Variants in DLGAP1 observed in about 807,000 individuals in gnomAD.
DLGAP1 encodes disks large-associated protein 1.
A neutral mutation model predicts 90.8 loss-of-function variants in DLGAP1; 11 were observed. The observed-to-expected ratio is 0.12, with a 90% confidence interval of 0.08 to 0.20. DLGAP1 has a LOEUF of 0.20. Among genes scored for constraint, DLGAP1 ranks in the 10% least tolerant of loss-of-function variants. The pLI, the probability that DLGAP1 is intolerant of heterozygous loss-of-function variation, is 1.00. For synonymous variants in DLGAP1, 558 were observed against 540.7 expected (o/e 1.03, Z -0.44); for missense variants, 1,050 against 1,333.8 (o/e 0.79, Z 3.31).
chr18:3,764,463 T>C (rs1171930168), intron 5 of DLGAP1, among the ~76,000 whole-genome samples: 1 of 152,088 alleles, frequency 6.6e-6, no homozygotes, highest in Non-Finnish European at 1.5e-5. Context: ...TCCTGCAAGG[T>C]AATTGTGATC....
At chr18:4,047,346 A>C (rs893781021) in intron 2 of DLGAP1, among the ~76,000 whole-genome samples, 1 of 152,240 alleles carries the variant, frequency 6.6e-6, no homozygotes, top group African/African-American at 2.4e-5. Context: ...TTTTGGAAGG[A>C]TATTGTATAA....
At chr18:3,927,675 G>A (rs2148922978) in intron 3 of DLGAP1, among the ~76,000 whole-genome samples, 1 of 152,294 alleles carries the variant, frequency 6.6e-6, no homozygotes, top group Admixed American at 6.5e-5. Context: ...AAGAAGTCAT[G>A]TTTGAATTAT....
rs561989522 is a variant in DLGAP1 at position 4,101,285 on chromosome 18, A to G, written c.-159+49895T>C. Among the ~76,000 whole-genome samples, 248 of 152,300 alleles carry G rather than the reference A, an allele frequency of 1.6e-3. 1 individual carries two copies. Among genetic ancestry groups the G allele is most frequent in the Admixed American group, 2.0e-3 (31 of 15,296 alleles). On this transcript the variant is annotated intron_variant, in intron 2 of 12. Coordinates refer to ENST00000315677, the MANE Select transcript of DLGAP1 (RefSeq NM_004746.4). Reference sequence around the variant, plus strand: ...TCAGTATTGCTGTGTCTCCGGAAATATGAAGGCATGAGAAGAGGCATGAGA... The same window carrying G: ...TCAGTATTGCTGTGTCTCCGGAAATGTGAAGGCATGAGAAGAGGCATGAGA...
Position 4,216,211 on chromosome 18 carries a change from T to A in DLGAP1, c.-266-64924A>T, listed in dbSNP as rs565586505. ...CAGAGTGAAGCTGGAGAAAAGCCCC[T>A]TAGAAGACCATCAGATCTTGTGAGA... On this transcript the variant is annotated intron_variant, in intron 1 of 12. Coordinates refer to ENST00000315677, the MANE Select transcript of DLGAP1 (RefSeq NM_004746.4). Among the ~76,000 whole-genome samples the A allele has an allele frequency of 1.6e-4, 24 of 152,052 alleles. 1 individual carries two copies. Among genetic ancestry groups the A allele is most frequent in the Admixed American group, 1.4e-3 (22 of 15,264 alleles).
chr18:3,784,237 G>C (rs1260571271), intron 5 of DLGAP1, among the ~76,000 whole-genome samples: 2 of 152,088 alleles, frequency 1.3e-5, no homozygotes, highest in East Asian at 1.9e-4. Context: ...CTGCATCCTA[G>C]GCTCCCCCGA....
intron 3 of DLGAP1, among the ~76,000 whole-genome samples, chr18:3,909,587 A>C (rs945553145): frequency 2.0e-5 from 3 of 152,124 alleles, no homozygotes; most frequent in Non-Finnish European, 2.9e-5. Context: ...TATTTCACTG[A>C]GATAGTGGTT....
At chr18:3,735,253 CTT>C (rs2062590445) in intron 6 of DLGAP1, among the ~76,000 whole-genome samples, 1 of 152,156 alleles carries the variant, frequency 6.6e-6, no homozygotes, top group African/African-American at 2.4e-5. Context: ...GAGTCTCACT[CTT>C]GTCACCCAGG....
At chr18:3,746,763 T>C (rs542140132) in intron 5 of DLGAP1, among the ~76,000 whole-genome samples, 5 of 152,302 alleles carry the variant, frequency 3.3e-5, no homozygotes, top group Admixed American at 2.6e-4. Context: ...ATGTGGATTT[T>C]AAAAAACATA....
At chr18:4,053,863 G>A (rs1209247150) in intron 2 of DLGAP1, among the ~76,000 whole-genome samples, 6 of 152,156 alleles carry the variant, frequency 3.9e-5, no homozygotes. Flanking sequence ...ATAATTAAAA[G>A]TATTTAAAAT....
chr18:4,401,660 T>C (rs1262373766), intron 1 of DLGAP1, among the ~76,000 whole-genome samples: 1 of 152,148 alleles, frequency 6.6e-6, no homozygotes, highest in Non-Finnish European at 1.5e-5. Context: ...CTGGAAAATG[T>C]AGGTTGAACT....
chr18:4,114,334 TC>T (rs1286744200), intron 2 of DLGAP1, among the ~76,000 whole-genome samples: 2 of 152,044 alleles, frequency 1.3e-5, no homozygotes, highest in African/African-American at 4.8e-5. Flanking sequence ...TTAGCTGTAT[TC>T]CTAGATATTT....
At chr18:4,175,027 A>G (rs2077084364) in intron 1 of DLGAP1, among the ~76,000 whole-genome samples, 1 of 152,084 alleles carries the variant, frequency 6.6e-6, no homozygotes, top group South Asian at 2.1e-4. Flanking sequence ...GAACTAATTT[A>G]CTTTCTCACC....
chr18:3,872,342 T>A (rs1423798860), intron 4 of DLGAP1, among the ~76,000 whole-genome samples: 2 of 152,096 alleles, frequency 1.3e-5, no homozygotes, highest in Non-Finnish European at 2.9e-5. Context: ...TAACAGTAAT[T>A]AATTGATTCT....
chr18:3,790,595 G>A (rs900903794), intron 5 of DLGAP1, among the ~76,000 whole-genome samples: 4 of 152,136 alleles, frequency 2.6e-5, no homozygotes, highest in Non-Finnish European at 5.9e-5. Flanking sequence ...TCTTTAAAAT[G>A]AATAAGTTGG....
intron 3 of DLGAP1, among the ~76,000 whole-genome samples, chr18:3,987,815 G>C (rs555019237): frequency 6.6e-5 from 10 of 152,022 alleles, no homozygotes; most frequent in Non-Finnish European, 1.2e-4. Flanking sequence ...GAAATCATTA[G>C]ACTAAGAGTA....
At chr18:4,122,619 C>A (rs1469348270) in intron 2 of DLGAP1, among the ~76,000 whole-genome samples, 2 of 152,178 alleles carry the variant, frequency 1.3e-5, no homozygotes, top group Non-Finnish European at 2.9e-5. Context: ...AGCTAAAAGG[C>A]AAGCCTGCCA....
At chr18:3,988,061 T>A (rs1252916857) in intron 3 of DLGAP1, among the ~76,000 whole-genome samples, 1 of 152,054 alleles carries the variant, frequency 6.6e-6, no homozygotes, top group Non-Finnish European at 1.5e-5. Flanking sequence ...CACCATAAGG[T>A]AGAATCAATG....
At chr18:3,914,094 A>C (rs1372193998) in intron 3 of DLGAP1, among the ~76,000 whole-genome samples, 3 of 152,158 alleles carry the variant, frequency 2.0e-5, no homozygotes, top group Non-Finnish European at 4.4e-5. Context: ...TTCTCTTAGC[A>C]AATTTCAAGT....
At chr18:3,921,000 A>C (rs1307219027) in intron 3 of DLGAP1, among the ~76,000 whole-genome samples, 1 of 152,236 alleles carries the variant, frequency 6.6e-6, no homozygotes, top group Non-Finnish European at 1.5e-5. Flanking sequence ...ATAAAACTGC[A>C]GTTCTGCTAC....
Sources: allele counts gnomAD v4.1 joint callset (sites outside exome capture counted in the v4.1 genomes callset), GRCh38; gene constraint gnomAD v4.1.1; transcripts MANE v1.5; gene names NCBI Gene and HGNC (gene_info 2026-07-23, HGNC 2026-07-21).